Variants in FAM53B observed in about 807,000 individuals in gnomAD.
The protein encoded by FAM53B is family with sequence similarity 53 member B.
A neutral mutation model predicts 32.7 loss-of-function variants in FAM53B; 12 were observed. The ratio of observed to expected loss-of-function variants is 0.37; its 90% CI spans 0.24 to 0.59. The LOEUF (loss-of-function observed/expected upper bound fraction) is 0.59. FAM53B is among the 20% of genes least tolerant of loss of function. FAM53B has a pLI of 0.72. For synonymous variants in FAM53B, 234 were observed against 228.7 expected, an observed-to-expected ratio of 1.02 and a Z score of -0.21; for missense variants, 477 against 577.7, an observed-to-expected ratio of 0.83 and a Z score of 1.79.
chr10:124,735,372 A>G (rs1950167364), intron 1 of FAM53B, among the ~76,000 whole-genome samples: 1 of 152,236 alleles, frequency 6.6e-6, no homozygotes, highest in African/African-American at 2.4e-5. Flanking sequence ...TTTGGTAAAA[A>G]AAGATTTCGT....
intron 4 of FAM53B, among the ~76,000 whole-genome samples, chr10:124,648,590 T>G (rs932976829): frequency 6.6e-6 from 1 of 152,244 alleles, no homozygotes; most frequent in Non-Finnish European, 1.5e-5. Flanking sequence ...GAGAACCCAC[T>G]AGAAATGCAA....
chr10:124,717,479 C>G (rs564997187), intron 1 of FAM53B, among the ~76,000 whole-genome samples: 15 of 152,366 alleles, frequency 9.8e-5, no homozygotes, highest in Non-Finnish European at 5.9e-5. Flanking sequence ...TCAGACCTGA[C>G]CTGCAGTTCA....
At chr10:124,726,215 T>C (rs370431799) in intron 1 of FAM53B, among the ~76,000 whole-genome samples, 64 of 152,156 alleles carry the variant, frequency 4.2e-4, no homozygotes, top group African/African-American at 1.5e-3. Context: ...CATGAGAAAA[T>C]CAGGATCCAT....
chr10:124,649,496 T>C (rs935062090), intron 4 of FAM53B, among the ~76,000 whole-genome samples: 2 of 152,212 alleles, frequency 1.3e-5, no homozygotes, highest in African/African-American at 4.8e-5. Flanking sequence ...AGTCAGCAGC[T>C]GTTTCTCCCA....
chr10:124,629,917 G>A (rs1430039053), intron 4 of FAM53B, among the ~76,000 whole-genome samples: 3 of 152,212 alleles, frequency 2.0e-5, no homozygotes, highest in Non-Finnish European at 4.4e-5. Context: ...TCAGGTGGTG[G>A]TGGCTTCTTT....
intron 1 of FAM53B, among the ~76,000 whole-genome samples, chr10:124,731,578 T>C (rs1363973169): frequency 1.2e-5 from 1 of 82,108 alleles, no homozygotes; most frequent in Non-Finnish European, 3.3e-5. Context: ...AAAATCAACC[T>C]TTTTTTTTTT....
chr10:124,635,781 C>T (rs1949426384), intron 4 of FAM53B, among the ~76,000 whole-genome samples: 1 of 152,126 alleles, frequency 6.6e-6, no homozygotes, highest in Admixed American at 6.5e-5. Flanking sequence ...GAGGAGTCGG[C>T]AGGGGACCCC....
intron 1 of FAM53B, among the ~76,000 whole-genome samples, chr10:124,741,030 TCTCCCC>T (rs1395576467): frequency 2.0e-5 from 3 of 152,192 alleles, no homozygotes; most frequent in Non-Finnish European, 4.4e-5. Context: ...AGCTCGGGAT[TCTCCCC>T]TAAAGTTAAA....
intron 4 of FAM53B, among the ~76,000 whole-genome samples, chr10:124,626,647 TC>T (rs1443281737): frequency 6.6e-6 from 1 of 152,164 alleles, no homozygotes; most frequent in South Asian, 2.1e-4. Context: ...GTTTATACGT[TC>T]CCCAGTCTAA....
chr10:124,709,435 G>A (rs2134087881), intron 1 of FAM53B, among the ~76,000 whole-genome samples: 2 of 152,340 alleles, frequency 1.3e-5, no homozygotes, highest in Middle Eastern at 6.8e-3. Context: ...AAAAGCGCCT[G>A]GGTAACTGGG....
rs1169353852 is a variant in FAM53B, at chr10:124,682,803, G to A, written c.134-424C>T. 6.6e-6 allele frequency among the ~76,000 whole-genome samples: 1 copy of A among 152,254 alleles called. No homozygotes were observed. The highest frequency in any genetic ancestry group is 1.9e-4 in the East Asian group (1 of 5,206). ...TCTGTTAAGTGCCACCAGGTTCTCT[G>A]CAGCTCTCAGGACTGGGACTCGATG... On this transcript the variant is annotated intron_variant, in intron 3 of 4. Coordinates refer to ENST00000337318, the MANE Select transcript of FAM53B (RefSeq NM_014661.4). This position sits in a 1 kb window ranked among gnomAD's most constrained non-coding sequence, Gnocchi z 5.2.
At chr10:124,676,618 TG>T (rs5788678) in intron 4 of FAM53B, among the ~76,000 whole-genome samples, 142,295 of 152,112 alleles carry the variant, frequency 0.94, 67,248 homozygotes, top group Non-Finnish European at 1. Context: ...GGAAGCTGGC[TG>T]GGGGGGCTTC....
chr10:124,742,416 A>C (rs1950205215), intron 1 of FAM53B: 1 of 152,280 alleles, frequency 6.6e-6, no homozygotes, highest in African/African-American at 2.4e-5. Context: ...AATAAGGAAC[A>C]GTGAGTTTCA....
chr10:124,694,349 A>G (rs1949854384), intron 3 of FAM53B, among the ~76,000 whole-genome samples: 1 of 152,196 alleles, frequency 6.6e-6, no homozygotes, highest in Non-Finnish European at 1.5e-5. Flanking sequence ...AGCCTCCGAT[A>G]GACTCTCCTG....
intron 4 of FAM53B, among the ~76,000 whole-genome samples, chr10:124,664,427 G>A (rs1211449240): frequency 1.3e-5 from 2 of 152,220 alleles, no homozygotes; most frequent in Admixed American, 6.5e-5. Flanking sequence ...TCAGCTTGGG[G>A]AGCTTCAACA....
intron 4 of FAM53B, among the ~76,000 whole-genome samples, chr10:124,634,220 C>T (rs762345172): frequency 6.6e-6 from 1 of 152,138 alleles, no homozygotes; most frequent in Non-Finnish European, 1.5e-5. Flanking sequence ...ATTATTTGGC[C>T]ATAAAAAGAA....
intron 3 of FAM53B, among the ~76,000 whole-genome samples, chr10:124,683,101 C>T (rs1255479251): frequency 6.6e-6 from 1 of 152,222 alleles, no homozygotes; most frequent in Non-Finnish European, 1.5e-5. Flanking sequence ...TTGGGCTTCA[C>T]AGACTTAAGG....
chr10:124,694,858 G>T (rs930833714), intron 3 of FAM53B, among the ~76,000 whole-genome samples: 2 of 152,200 alleles, frequency 1.3e-5, no homozygotes, highest in Admixed American at 6.5e-5. Flanking sequence ...CAAGAGCACC[G>T]CCAGGTGTCC....
intron 2 of FAM53B, among the ~76,000 whole-genome samples, chr10:124,700,434 C>T (rs952259808): frequency 1.3e-5 from 2 of 152,176 alleles, no homozygotes; most frequent in South Asian, 2.1e-4. Context: ...CTGCACTCTG[C>T]GAGCACCCGA....
Sources: gnomAD v4.1 joint callset for allele counts (sites outside exome capture counted in the v4.1 genomes callset) on GRCh38, gnomAD v4.1.1 for gene constraint, Gnocchi (gnomAD v3.1) non-coding constraint, MANE v1.5 for transcripts, NCBI Gene and HGNC (gene_info 2026-07-23, HGNC 2026-07-21) for gene names.